Variants in ATP10B observed in about 807,000 individuals in gnomAD.
ATP10B encodes the protein phospholipid-transporting ATPase VB.
A neutral mutation model predicts 141.2 loss-of-function variants in ATP10B; 122 were observed. The ratio of observed to expected loss-of-function variants is 0.86; its 90% CI spans 0.75 to 1.00. The LOEUF (loss-of-function observed/expected upper bound fraction) is 1.00, where lower values mean the gene tolerates loss of function less well. Ranked by LOEUF, ATP10B falls within the 50% of genes least tolerant of loss-of-function variation. The pLI, the probability that ATP10B is intolerant of heterozygous loss-of-function variation, is 0.00. For missense variants in ATP10B, 1,876 were observed against 1,825.3 expected (o/e 1.03, Z -0.51); for synonymous variants, 685 against 692.0 (o/e 0.99, Z 0.16).
At chr5:160,878,662 C>A in the ATP10B span, among the ~76,000 whole-genome samples, 2 of 152,176 alleles carry the variant, frequency 1.3e-5, no homozygotes, top group Non-Finnish European at 2.9e-5. Context: ...TATCCACAAT[C>A]TACAATGAAC....
At chr5:160,929,326 A>AC in the ATP10B span, among the ~76,000 whole-genome samples, 36 of 151,930 alleles carry the variant, frequency 2.4e-4, no homozygotes, top group African/African-American at 8.2e-4. Context: ...AGCTGCTACC[A>AC]CCCCCAGATA....
chr5:160,653,969 C>T (rs1385119929), intron 7 of ATP10B, among the ~76,000 whole-genome samples: 4 of 135,186 alleles, frequency 3.0e-5, no homozygotes, highest in African/African-American at 8.4e-5. Context: ...GTTGTATATA[C>T]GTATATACAT....
chr5:160,718,478 G>A (rs1021510194), intron 2 of ATP10B, among the ~76,000 whole-genome samples: 2 of 152,164 alleles, frequency 1.3e-5, no homozygotes, highest in Non-Finnish European at 2.9e-5. Context: ...ATCAGAGACT[G>A]GGTAATTTAT....
At chr5:160,909,251 A>G in the ATP10B span, among the ~76,000 whole-genome samples, 1 of 152,288 alleles carries the variant, frequency 6.6e-6, no homozygotes, top group Non-Finnish European at 1.5e-5. Context: ...CAAAGAATTC[A>G]AAACGTGATG....
chr5:160,836,021 C>T (rs1028325103), intron 1 of ATP10B, among the ~76,000 whole-genome samples: 1 of 152,058 alleles, frequency 6.6e-6, no homozygotes, highest in South Asian at 2.1e-4. Context: ...ACCACATGTT[C>T]TCACTCACAG....
chr5:160,802,253 C>T (rs183258221), intron 1 of ATP10B, among the ~76,000 whole-genome samples: 5 of 152,290 alleles, frequency 3.3e-5, no homozygotes, highest in East Asian at 3.9e-4. Context: ...CAGTAGTCAA[C>T]GGGATGGGCT....
the ATP10B span, among the ~76,000 whole-genome samples, chr5:160,886,357 G>GA: frequency 1.3e-5 from 2 of 152,188 alleles, no homozygotes; most frequent in Non-Finnish European, 2.9e-5. Context: ...GATAACTGGA[G>GA]AAAAGCATCT....
chr5:160,856,009 T>C (rs1195967972), upstream of ATP10B, among the ~76,000 whole-genome samples: 1 of 151,884 alleles, frequency 6.6e-6, no homozygotes, highest in Non-Finnish European at 1.5e-5. Flanking sequence ...ATCAGGTAGA[T>C]AGATTCCTTC....
chr5:160,613,063 G>A (rs909583533), intron 17 of ATP10B, 138 bp from the exon 18 acceptor site: 9 of 742,668 alleles, frequency 1.2e-5, no homozygotes, highest in Non-Finnish European at 1.9e-5. Context: ...ATATAACAGT[G>A]AACTAGATGG....
At chr5:160,801,597 T>TA (rs1353826627) in intron 1 of ATP10B, among the ~76,000 whole-genome samples, 1 of 152,164 alleles carries the variant, frequency 6.6e-6, no homozygotes, top group Non-Finnish European at 1.5e-5. Context: ...CAGTGCTTAA[T>TA]AAAAATGTAT....
chr5:160,588,926 A>C (rs1372009264), intron 24 of ATP10B, among the ~76,000 whole-genome samples: 1 of 152,074 alleles, frequency 6.6e-6, no homozygotes, highest in Non-Finnish European at 1.5e-5. Flanking sequence ...TTCACCCTAA[A>C]ATTAAATGGG....
chr5:160,770,251 G>A (rs1170425889), intron 2 of ATP10B, among the ~76,000 whole-genome samples: 1 of 150,902 alleles, frequency 6.6e-6, no homozygotes, highest in Non-Finnish European at 1.5e-5. Flanking sequence ...TGTCTTTCTG[G>A]ATGCCACTGG....
intron 22 of ATP10B, among the ~76,000 whole-genome samples, chr5:160,592,216 C>T (rs1281003986): frequency 6.6e-6 from 1 of 152,130 alleles, no homozygotes; most frequent in Non-Finnish European, 1.5e-5. Flanking sequence ...TTTGCCTTCC[C>T]TAATATGAAA....
chr5:160,821,894 A>G (rs1774137788), intron 1 of ATP10B, among the ~76,000 whole-genome samples: 1 of 152,236 alleles, frequency 6.6e-6, no homozygotes. Flanking sequence ...CTAAGACCTT[A>G]AACTATGAAA....
At chr5:160,625,549 A>G (rs939633170) in intron 13 of ATP10B, among the ~76,000 whole-genome samples, 3 of 152,202 alleles carry the variant, frequency 2.0e-5, no homozygotes, top group Non-Finnish European at 4.4e-5. Flanking sequence ...TGAGTGTCAG[A>G]AGGAGGAAAC....
intron 2 of ATP10B, among the ~76,000 whole-genome samples, chr5:160,737,519 A>T (rs958189847): frequency 1.3e-5 from 2 of 152,100 alleles, no homozygotes; most frequent in African/African-American, 4.8e-5. Flanking sequence ...TCCACAAAAA[A>T]CTCTTAGAAC....
intron 1 of ATP10B, among the ~76,000 whole-genome samples, chr5:160,844,591 G>T (rs1404012637): frequency 2.0e-5 from 3 of 151,838 alleles, no homozygotes; most frequent in Non-Finnish European, 4.4e-5. Flanking sequence ...TGTCGCCTAG[G>T]CTGGAGTGTA....
intron 3 of ATP10B, among the ~76,000 whole-genome samples, chr5:160,703,243 C>T (rs574336379): frequency 3.9e-5 from 6 of 151,962 alleles, no homozygotes; most frequent in Admixed American, 6.6e-5. Flanking sequence ...TTCCAGAATA[C>T]GACAATGAAG....
chr5:160,651,044 C>A (rs1760696365), intron 7 of ATP10B, among the ~76,000 whole-genome samples: 1 of 152,112 alleles, frequency 6.6e-6, no homozygotes, highest in Non-Finnish European at 1.5e-5. Context: ...AAATAAATAG[C>A]ATTTACTGGA....
Sources: allele counts gnomAD v4.1 joint callset (sites outside exome capture counted in the v4.1 genomes callset), GRCh38; gene constraint gnomAD v4.1.1; transcripts MANE v1.5; gene names NCBI Gene and HGNC (gene_info 2026-07-23, HGNC 2026-07-21).